Variants in NCOA4 observed in about 807,000 individuals in gnomAD.
NCOA4 encodes the protein nuclear receptor coactivator 4.
In NCOA4, 31 loss-of-function variants were observed where a neutral mutation model predicts 69.5. That is an observed-to-expected ratio of 0.45 (90% confidence interval 0.34 to 0.60). NCOA4 has a LOEUF of 0.60. NCOA4 is among the 20% of genes least tolerant of loss of function. The pLI is 0.02. For synonymous variants in NCOA4, 228 were observed against 252.4 expected (o/e 0.90, Z 0.92); for missense variants, 600 against 719.2 (o/e 0.83, Z 1.90).
chr10:46,018,600 T>C (rs184169647), intron 1 of NCOA4, among the ~76,000 whole-genome samples: 1 of 152,286 alleles, frequency 6.6e-6, no homozygotes, highest in East Asian at 1.9e-4. Flanking sequence ...AGGAAGGCTG[T>C]TTAGCCTAGA....
rs1554919759 is a variant in NCOA4 at position 46,006,524 on chromosome 10, A to G, written c.*68T>C. The G allele has an allele frequency of 1.9e-6, 3 of 1,586,808 alleles. No individual in the cohort carries two copies. Among genetic ancestry groups the G allele is most frequent in the East Asian group, 2.2e-5 (1 of 44,770 alleles). Reference sequence around the variant, plus strand: ...GACCCAGAAACACAAAGATTTGGCAAGCTGCAGTCACTCAGCTCATGATGT... The same window carrying G: ...GACCCAGAAACACAAAGATTTGGCAGGCTGCAGTCACTCAGCTCATGATGT... On this transcript the variant is annotated 3_prime_UTR_variant, in exon 10 of 10. Coordinates refer to ENST00000581486, the MANE Select transcript of NCOA4 (RefSeq NM_001145263.2).
At chr10:46,015,593 G>T (rs1839493851) in intron 2 of NCOA4, among the ~76,000 whole-genome samples, 4 of 152,158 alleles carry the variant, frequency 2.6e-5, no homozygotes, top group African/African-American at 9.7e-5. Flanking sequence ...AGAGGATTAG[G>T]TTTAATTTGG....
intron 1 of NCOA4, among the ~76,000 whole-genome samples, chr10:46,026,997 G>A (rs1554925596): frequency 6.6e-6 from 1 of 152,138 alleles, no homozygotes; most frequent in East Asian, 1.9e-4. Flanking sequence ...CGGGCGCGGT[G>A]GCTCACGCCT....
At chr10:46,014,748 A>G in intron 4 of NCOA4, 106 bp downstream of exon 4, 1 of 918,430 alleles carries the variant, frequency 1.1e-6, no homozygotes, top group Non-Finnish European at 1.7e-6. Flanking sequence ...TATCCTAGCA[A>G]CACAGAAGTT....
chr10:46,021,895 G>A (rs1218456547), intron 1 of NCOA4, among the ~76,000 whole-genome samples: 2 of 152,138 alleles, frequency 1.3e-5, no homozygotes, highest in African/African-American at 4.8e-5. Flanking sequence ...GGAGGCGGAG[G>A]TTGCAGTGGG....
chr10:46,020,336 G>A (rs1554924110), intron 1 of NCOA4, among the ~76,000 whole-genome samples: 1 of 152,072 alleles, frequency 6.6e-6, no homozygotes, highest in Non-Finnish European at 1.5e-5. Flanking sequence ...ACTTCCTCAG[G>A]AAAAAGGGAG....
chr10:46,009,655 T>C, intron 8 of NCOA4, 104 bp from the exon 9 acceptor site: 1 of 1,122,656 alleles, frequency 8.9e-7, no homozygotes, highest in Non-Finnish European at 1.3e-6. Context: ...ATGTTGGCCA[T>C]TCTCTGTAAC....
Position 46,012,901 on chromosome 10 carries a change from C to T in NCOA4, c.696G>A (p.Gln232=), listed in dbSNP as rs1554922037. 1.2e-6 allele frequency: 2 copies of T among 1,614,102 alleles called. No homozygotes were observed. Among genetic ancestry groups the T allele is most frequent in the South Asian group, 2.2e-5 (2 of 91,080 alleles). ...AACAGACCTGACTGTTCTCCAAGGT[C>T]TGCTTTTGGGTAAGCCAGTCCTGGG... is the stretch of plus-strand genomic sequence containing the variant. The part of the protein sequence containing the change: ...TDPQDWLTQK[Q]TLENSQTSSR... Residue 232 remains glutamine, a synonymous_variant, in exon 7 of 10, where the codon CAG becomes CAA. Transcript: ENST00000581486.
chr10:46,017,707 T>C (rs1839648313), intron 1 of NCOA4, among the ~76,000 whole-genome samples: 1 of 152,172 alleles, frequency 6.6e-6, no homozygotes, highest in Non-Finnish European at 1.5e-5. Flanking sequence ...GAAATTGGTG[T>C]GGGTAAATAC....
intron 1 of NCOA4, chr10:46,023,229 T>A: frequency 1.0e-6 from 1 of 969,920 alleles, no homozygotes; most frequent in Non-Finnish European, 1.2e-6. Context: ...CGCACGCAGT[T>A]GTGCAGTCAG....
At chr10:46,009,774 G>A (rs1413075868) in intron 8 of NCOA4, among the ~76,000 whole-genome samples, 1 of 152,130 alleles carries the variant, frequency 6.6e-6, no homozygotes, top group African/African-American at 2.4e-5. Context: ...CTTAGGCCTG[G>A]AAAATGCACA....
At position 46,006,472 on chromosome 10, in the gene NCOA4, CAGGA is replaced by C. The variant is rs2132302834; in HGVS notation, c.*116_*119del. ...TTTGCTTTACTAGTTCAAAATTAGGCAGGAGAAGAACTAAGCTAATTGGTCAGAC... is the reference window on the plus strand; with the variant it reads ...TTTGCTTTACTAGTTCAAAATTAGGCGAAGAACTAAGCTAATTGGTCAGAC... On this transcript the variant is annotated 3_prime_UTR_variant, in exon 10 of 10. Coordinates refer to ENST00000581486, the MANE Select transcript of NCOA4 (RefSeq NM_001145263.2). The C allele has an allele frequency of 8.9e-7, 1 of 1,125,006 alleles. No homozygotes were observed. The highest frequency in any genetic ancestry group is 2.4e-5 in the East Asian group (1 of 42,370). The allele number at this position is 1,125,006 out of a possible 1,614,324, so 69.7% of individuals were successfully genotyped here.
chr10:46,011,107 A>G lies in NCOA4; in HGVS notation c.814T>C (p.Cys272Arg). The G allele has an allele frequency of 3.1e-6, 5 of 1,613,758 alleles. No individual in the cohort carries two copies. The highest frequency in any genetic ancestry group is 2.2e-5 in the South Asian group (2 of 91,050). ...LKSEKSSYQK[C>R]NSHSTTSSFS... The stretch of plus-strand genomic sequence containing the variant: ...GAACTAGTAGTGGAATGGCTGTTAC[A>G]CTTTTGATAACTTGATTTTTCACTC... Residue 272 changes from cysteine (C) to arginine (R), a missense_variant, in exon 8 of 10, where the codon TGT becomes CGT. By Grantham distance (180) the Cys-to-Arg change is radical. Transcript: ENST00000581486.
Position 46,028,023 on chromosome 10 carries a change from C to T in NCOA4, c.-15+2503G>A, listed in dbSNP as rs1840251977. 2.0e-5 allele frequency among the ~76,000 whole-genome samples: 3 copies of T among 152,192 alleles called. No individual in the cohort carries two copies. In the South Asian group the frequency reaches 6.2e-4, roughly 32 times the overall value. Reference sequence around the variant, plus strand: ...TCATTACCATCATCTCTCTCCAGGACTCTTGCAGAAACCTCATGACTGCTA... The same window carrying T: ...TCATTACCATCATCTCTCTCCAGGATTCTTGCAGAAACCTCATGACTGCTA... On this transcript the variant is annotated intron_variant, in intron 1 of 9. Coordinates refer to ENST00000581486, the MANE Select transcript of NCOA4 (RefSeq NM_001145263.2).
Position 46,006,516 on chromosome 10 carries a change from AT to A in NCOA4, c.*75del. ...ATTGGTCAGACCCAGAAACACAAAG[AT>A]TTGGCAAGCTGCAGTCACTCAGCTC... On this transcript the variant is annotated 3_prime_UTR_variant, in exon 10 of 10. Transcript: ENST00000581486. The A allele has an allele frequency of 6.4e-7, 1 of 1,566,868 alleles. No individual in the cohort carries two copies. Among genetic ancestry groups the A allele is most frequent in the South Asian group, 1.1e-5 (1 of 90,010 alleles).
At chr10:46,013,371 C>A (rs181050636) in intron 6 of NCOA4, among the ~76,000 whole-genome samples, 179 bp downstream of exon 6, 9 of 152,272 alleles carry the variant, frequency 5.9e-5, no homozygotes, top group African/African-American at 2.2e-4. Flanking sequence ...TCAGCCCCGA[C>A]AAGACATCTA....
chr10:46,027,533 A>C, intron 1 of NCOA4: 1 of 1,474,328 alleles, frequency 6.8e-7, no homozygotes, highest in South Asian at 1.3e-5. Context: ...ACATAACTGT[A>C]TGAAAACAAA....
chr10:46,014,194 T>C (rs1311754842), intron 5 of NCOA4, among the ~76,000 whole-genome samples: 1 of 152,092 alleles, frequency 6.6e-6, no homozygotes, highest in Admixed American at 6.5e-5. Flanking sequence ...TTTTTGTATT[T>C]TTAATAGAGA....
At chr10:46,027,517 G>T in intron 1 of NCOA4, 2 of 1,527,882 alleles carry the variant, frequency 1.3e-6, no homozygotes, top group Non-Finnish European at 1.8e-6. Flanking sequence ...GAAGCAATGT[G>T]TCCAGACATA....
Sources: allele counts gnomAD v4.1 joint callset (sites outside exome capture counted in the v4.1 genomes callset), GRCh38; gene constraint gnomAD v4.1.1; transcripts MANE v1.5; gene names NCBI Gene and HGNC (gene_info 2026-07-23, HGNC 2026-07-21).